PIK3CD: variants seen among roughly 807,000 people sequenced by gnomAD.
PIK3CD encodes the protein phosphatidylinositol-4,5-bisphosphate 3-kinase catalytic subunit delta, also known as phosphatidylinositol 4,5-bisphosphate 3-kinase catalytic subunit delta isoform.
PIK3CD carries 20 observed loss-of-function variants against 122.9 expected under a neutral mutation model. That is an observed-to-expected ratio of 0.16 (90% CI 0.11 to 0.24). The LOEUF is 0.24. Ranked by LOEUF, PIK3CD falls within the 10% of genes least tolerant of loss-of-function variation. PIK3CD has a pLI of 1.00. For missense variants in PIK3CD, 787 were observed against 1,406.3 expected (o/e 0.56, Z 7.04); for synonymous variants, 596 against 593.4 (o/e 1.00, Z -0.06).
At chr1:9,673,299 G>T (rs1034283970) in intron 1 of PIK3CD, among the ~76,000 whole-genome samples, 2 of 151,686 alleles carry the variant, frequency 1.3e-5, no homozygotes, top group East Asian at 3.9e-4. Flanking sequence ...TCCCTCTGTC[G>T]CCCCGGCTGG....
intron 1 of PIK3CD, chr1:9,653,650 TG>T: frequency 2.1e-6 from 1 of 470,320 alleles, no homozygotes; most frequent in African/African-American, 2.0e-5. Context: ...ATGTGTTGAG[TG>T]GGGCGGAAGG....
In PIK3CD at chr1:9,719,212, C is replaced by G. The variant is rs137868136; in HGVS notation, c.1242+297C>G. Among the ~76,000 whole-genome samples, 339 of 152,356 alleles carry G rather than the reference C, an allele frequency of 2.2e-3. 2 individuals carry two copies. Among genetic ancestry groups the G allele is most frequent in the African/African-American group, 7.9e-3 (328 of 41,576 alleles). On this transcript the variant is annotated intron_variant, in intron 9 of 23. Coordinates refer to ENST00000377346, the MANE Select transcript of PIK3CD (RefSeq NM_005026.5). The surrounding 1 kb of genome is among the most constrained non-coding windows in gnomAD (Gnocchi z 5.5). Reference sequence around the variant, plus strand: ...TGGAAGGACAAGCACAGTGTCATCCCTGGAGCAGAAAAGCCTGAGTCAGCG... The same window carrying G: ...TGGAAGGACAAGCACAGTGTCATCCGTGGAGCAGAAAAGCCTGAGTCAGCG...
chr1:9,661,583 G>A lies in PIK3CD; in HGVS notation c.-138+9781G>A, dbSNP rs373963035. On this transcript the variant is annotated intron_variant, in intron 1 of 23. Transcript: ENST00000377346. The stretch of plus-strand genomic sequence containing the variant: ...TAAAACATTTTTTTTAGTAGAGGCC[G>A]GGTGTGGTGGCTCACACCTGTAATC... Among the ~76,000 whole-genome samples, 203 of 152,138 alleles carry A rather than the reference G, an allele frequency of 1.3e-3. 2 individuals are homozygous for A. The highest frequency in any genetic ancestry group is 0.011 in the South Asian group (54 of 4,822).
Position 9,722,211 on chromosome 1 carries a change from C to G in PIK3CD, c.2235-33C>G. 4 of 1,610,926 alleles carry G rather than the reference C, an allele frequency of 2.5e-6. No individual in the cohort carries two copies. The South Asian group carries it at 4.4e-5, about 18-fold the overall frequency. On this transcript the variant is annotated intron_variant, in intron 17 of 23. Coordinates refer to ENST00000377346, the MANE Select transcript of PIK3CD (RefSeq NM_005026.5). This position sits in a 1 kb window ranked among gnomAD's most constrained non-coding sequence, Gnocchi z 7.6. ...CACCCCTGGGAGGCCGGTAGAGGAG[C>G]CCCTGCTGACTGCCCGCTCTCTGGC...
the PIK3CD span, among the ~76,000 whole-genome samples, chr1:9,634,937 G>T: frequency 6.6e-6 from 1 of 152,170 alleles, no homozygotes; most frequent in Non-Finnish European, 1.5e-5. Flanking sequence ...TGGAAATAAG[G>T]TCTTTGCAGA....
At chr1:9,651,948 C>T (rs78800005) in intron 1 of PIK3CD, 146 bp downstream of exon 1, 32,456 of 151,970 alleles carry the variant, frequency 0.21, 3,740 homozygotes, top group African/African-American at 0.29. Context: ...TGGCCCTGGG[C>T]GCCTCCCCGA....
intron 2 of PIK3CD, among the ~76,000 whole-genome samples, chr1:9,702,546 G>GTTTTTT (rs1646685182): frequency 6.4e-5 from 3 of 46,704 alleles, no homozygotes; most frequent in African/African-American, 1.3e-4. Context: ...TTGAGGCAGA[G>GTTTTTT]TTTTGCTCTT....
At chr1:9,716,747 A>G in intron 6 of PIK3CD, 128 bp downstream of exon 6, 1 of 1,185,744 alleles carries the variant, frequency 8.4e-7, no homozygotes, top group South Asian at 1.3e-5. Flanking sequence ...TCACCGCCAG[A>G]GCATCCCCTG....
intron 1 of PIK3CD, among the ~76,000 whole-genome samples, chr1:9,665,947 C>T (rs574638929): frequency 2.0e-4 from 31 of 151,986 alleles, no homozygotes; most frequent in Non-Finnish European, 3.2e-4. Flanking sequence ...TGTTTTTTGA[C>T]GCAGAGTTTT....
intron 1 of PIK3CD, among the ~76,000 whole-genome samples, chr1:9,663,061 T>A (rs1645054541): frequency 6.6e-6 from 1 of 152,196 alleles, no homozygotes; most frequent in African/African-American, 2.4e-5. Flanking sequence ...CTGGACATTA[T>A]GGGCTGTACA....
intron 3 of PIK3CD, among the ~76,000 whole-genome samples, chr1:9,711,606 C>T (rs1480933946): frequency 1.3e-5 from 2 of 151,990 alleles, no homozygotes; most frequent in Non-Finnish European, 2.9e-5. Context: ...TGGGGTCTCA[C>T]TCTGTTGCCC....
In PIK3CD at chr1:9,720,543, C is replaced by T. The variant is rs904896154; in HGVS notation, c.1471-68C>T. 2.6e-6 allele frequency: 4 copies of T among 1,546,200 alleles called. No homozygotes were observed. The highest frequency in any genetic ancestry group is 1.4e-5 in the African/African-American group (1 of 72,938). ...TCAAGGATGATTGGGGTGGCAATGC[C>T]CGGCCTGGGGGTCCTGCCCGGGCTG... On this transcript the variant is annotated intron_variant, in intron 11 of 23. Coordinates refer to ENST00000377346, the MANE Select transcript of PIK3CD (RefSeq NM_005026.5). The surrounding 1 kb of genome is among the most constrained non-coding windows in gnomAD (Gnocchi z 9.0).
At chr1:9,686,995 G>A (rs1298283905) in intron 1 of PIK3CD, among the ~76,000 whole-genome samples, 2 of 152,116 alleles carry the variant, frequency 1.3e-5, no homozygotes, top group East Asian at 1.9e-4. Flanking sequence ...CCAGTTCATC[G>A]TGGCAATACA....
At chr1:9,698,724 GATGT>G (rs1450641937) in intron 2 of PIK3CD, among the ~76,000 whole-genome samples, 1 of 152,140 alleles carries the variant, frequency 6.6e-6, no homozygotes, top group Non-Finnish European at 1.5e-5. Context: ...TGAGACCATG[GATGT>G]TTCTTTCTCT....
intron 6 of PIK3CD, 151 bp downstream of exon 6, chr1:9,716,770 C>G (rs952842584): frequency 8.4e-7 from 1 of 1,191,266 alleles, no homozygotes; most frequent in Non-Finnish European, 1.2e-6. Flanking sequence ...AGGGCTGGCC[C>G]TCTCTGAGAG....
rs543861336 is a variant in PIK3CD, at chr1:9,702,691, T to C, written c.-32-7733T>C. On this transcript the variant is annotated intron_variant, in intron 2 of 23. Transcript: ENST00000377346. The stretch of plus-strand genomic sequence containing the variant: ...ATGTGCCACCATGCCCGGCTAACTT[T>C]TGTATTTTTAGTAGAGACGGGGTTT... Among the ~76,000 whole-genome samples the C allele has an allele frequency of 8.6e-5, 13 of 151,228 alleles. No individual in the cohort carries two copies. The South Asian group carries it at 2.7e-3, about 32-fold the overall frequency.
At chr1:9,633,864 G>A in the PIK3CD span, among the ~76,000 whole-genome samples, 1 of 152,156 alleles carries the variant, frequency 6.6e-6, no homozygotes, top group African/African-American at 2.4e-5. Context: ...CTGGGAAGAG[G>A]AAGTTCTTAA....
At chr1:9,686,272 C>A (rs2100347219) in intron 1 of PIK3CD, among the ~76,000 whole-genome samples, 1 of 152,216 alleles carries the variant, frequency 6.6e-6, no homozygotes, top group African/African-American at 2.4e-5. Context: ...TCCATCATAG[C>A]TCACCGCAGA....
intron 1 of PIK3CD, among the ~76,000 whole-genome samples, chr1:9,684,528 C>T (rs1027433910): frequency 6.9e-6 from 1 of 145,632 alleles, no homozygotes; most frequent in East Asian, 2.0e-4. Context: ...CAGAGAGAGA[C>T]TCCGTCTCAA....
Sources: gnomAD v4.1 joint callset for allele counts (sites outside exome capture counted in the v4.1 genomes callset) on GRCh38, gnomAD v4.1.1 for gene constraint, Gnocchi (gnomAD v3.1) non-coding constraint, MANE v1.5 for transcripts, NCBI Gene and HGNC (gene_info 2026-07-23, HGNC 2026-07-21) for gene names.